The following DNM3 variants were observed in gnomAD, a reference collection of about 807,000 sequenced individuals.
DNM3 encodes the protein dynamin 3, also known as dynamin-3.
A neutral mutation model predicts 101.6 loss-of-function variants in DNM3; 47 were observed. That is an observed-to-expected ratio of 0.46 (90% CI 0.37 to 0.59). The LOEUF is 0.59. Among genes scored for constraint, DNM3 ranks in the 20% least tolerant of loss-of-function variants. The pLI is 0.00. For synonymous variants in DNM3, 385 were observed against 387.9 expected, an observed-to-expected ratio of 0.99 and a Z score of 0.09; for missense variants, 849 against 1,085.7, an observed-to-expected ratio of 0.78 and a Z score of 3.06.
chr1:172,007,778 T>C (rs1370677594), intron 4 of DNM3, among the ~76,000 whole-genome samples: 2 of 152,088 alleles, frequency 1.3e-5, no homozygotes, highest in East Asian at 3.9e-4. Flanking sequence ...GTTTAATTTA[T>C]TTATTTGAGA....
At chr1:172,086,433 G>A (rs2053536908) in intron 12 of DNM3, among the ~76,000 whole-genome samples, 1 of 152,174 alleles carries the variant, frequency 6.6e-6, no homozygotes, top group African/African-American at 2.4e-5. Flanking sequence ...TTACTCTGTA[G>A]CACCATTGCA....
chr1:172,139,244 A>G (rs528393021), intron 14 of DNM3: 2 of 207,010 alleles, frequency 9.7e-6, no homozygotes, highest in African/African-American at 4.8e-5. Flanking sequence ...ATTGAACCAG[A>G]TGTTTTTCCT....
chr1:172,066,297 T>C (rs1461373817), intron 10 of DNM3, among the ~76,000 whole-genome samples: 2 of 152,204 alleles, frequency 1.3e-5, no homozygotes, highest in African/African-American at 4.8e-5. Context: ...AAGGAATTTA[T>C]TTCTTTATAC....
chr1:172,410,672 T>A lies in DNM3; in HGVS notation c.*2831T>A. On this transcript the variant is annotated 3_prime_UTR_variant, in exon 21 of 21. Transcript: ENST00000627582. ...GAATATTGCTTTTAGCCGTGTTTTA[T>A]AACATAGACGAGCAGTAGGGTCTGT... is the stretch of plus-strand genomic sequence containing the variant. 1 of 985,362 alleles carries A rather than the reference T, an allele frequency of 1.0e-6. No individual in the cohort carries two copies. The highest frequency in any genetic ancestry group is 1.2e-6 in the Non-Finnish European group (1 of 829,846). 61.0% of individuals were successfully genotyped at this position (985,362 alleles called of 1,614,324 possible). A position where few individuals can be genotyped will look rare whatever the true frequency, so the allele number is the denominator to read the frequency against.
At chr1:171,909,771 T>C (rs2039142236) in intron 1 of DNM3, among the ~76,000 whole-genome samples, 1 of 152,220 alleles carries the variant, frequency 6.6e-6, no homozygotes, top group Admixed American at 6.5e-5. Context: ...TTACTTGAAA[T>C]TATAATTGGA....
At chr1:171,917,466 G>T (rs901397592) in intron 1 of DNM3, among the ~76,000 whole-genome samples, 2 of 152,006 alleles carry the variant, frequency 1.3e-5, no homozygotes, top group African/African-American at 4.8e-5. Context: ...CTATTTTTTT[G>T]TCTAGGAGTC....
chr1:172,369,671 A>G (rs2068218022), intron 17 of DNM3, among the ~76,000 whole-genome samples: 1 of 152,066 alleles, frequency 6.6e-6, no homozygotes, highest in East Asian at 1.9e-4. Flanking sequence ...GATGTGCTGT[A>G]AGTGTAACAT....
chr1:172,221,895 TAAAGAC>T (rs1343885855), intron 14 of DNM3, among the ~76,000 whole-genome samples: 1 of 152,132 alleles, frequency 6.6e-6, no homozygotes, highest in African/African-American at 2.4e-5. Context: ...GAAATTAAGA[TAAAGAC>T]AAAGACTTTG....
At chr1:171,923,908 C>T (rs1398167658) in intron 2 of DNM3, among the ~76,000 whole-genome samples, 1 of 152,138 alleles carries the variant, frequency 6.6e-6, no homozygotes, top group Non-Finnish European at 1.5e-5. Context: ...CTGTTTAGTT[C>T]ACACTTGTAA....
intron 17 of DNM3, among the ~76,000 whole-genome samples, chr1:172,343,099 C>G (rs2066764045): frequency 6.6e-6 from 1 of 152,140 alleles, no homozygotes; most frequent in African/African-American, 2.4e-5. Flanking sequence ...ATACATTAAC[C>G]TCTAAGACTA....
At chr1:172,206,748 C>T (rs1336901988) in intron 14 of DNM3, among the ~76,000 whole-genome samples, 1 of 152,080 alleles carries the variant, frequency 6.6e-6, no homozygotes, top group Non-Finnish European at 1.5e-5. Flanking sequence ...CTAAAAAGAT[C>T]TTGCTGACAC....
At chr1:172,250,340 ACTT>A (rs2062120375) in intron 14 of DNM3, among the ~76,000 whole-genome samples, 1 of 152,072 alleles carries the variant, frequency 6.6e-6, no homozygotes, top group Non-Finnish European at 1.5e-5. Context: ...TGAAACAGAA[ACTT>A]CTTATGGAGG....
At chr1:172,170,225 T>C (rs1328124793) in intron 14 of DNM3, among the ~76,000 whole-genome samples, 2 of 151,932 alleles carry the variant, frequency 1.3e-5, no homozygotes, top group Non-Finnish European at 2.9e-5. Flanking sequence ...TTTTAAGTCC[T>C]CTCAATATCA....
chr1:172,168,634 T>G (rs1407698314), intron 14 of DNM3, among the ~76,000 whole-genome samples: 2 of 151,988 alleles, frequency 1.3e-5, no homozygotes, highest in African/African-American at 4.8e-5. Context: ...GAAAGTATTC[T>G]CTTCCTGTTC....
intron 13 of DNM3, among the ~76,000 whole-genome samples, chr1:172,121,746 G>A (rs1006509972): frequency 6.6e-6 from 1 of 152,170 alleles, no homozygotes; most frequent in African/African-American, 2.4e-5. Context: ...TATTAGGTAG[G>A]GGTTGGGATT....
intron 15 of DNM3, among the ~76,000 whole-genome samples, chr1:172,279,752 A>G (rs929887363): frequency 1.3e-5 from 2 of 152,046 alleles, no homozygotes; most frequent in African/African-American, 4.8e-5. Context: ...TGCCTTGGAT[A>G]TATATTTAGA....
intron 16 of DNM3, among the ~76,000 whole-genome samples, chr1:172,317,037 T>G (rs2065408272): frequency 6.6e-6 from 1 of 152,078 alleles, no homozygotes; most frequent in Admixed American, 6.6e-5. Context: ...TAACAAACTG[T>G]CTCTCAGACC....
chr1:171,863,438 A>T (rs142760983), intron 1 of DNM3, among the ~76,000 whole-genome samples: 1 of 152,204 alleles, frequency 6.6e-6, no homozygotes, highest in African/African-American at 2.4e-5. Flanking sequence ...AAAAAAGTAT[A>T]CAAAGACTAT....
chr1:172,058,021 CA>C, intron 10 of DNM3, among the ~76,000 whole-genome samples: 1 of 132,036 alleles, frequency 7.6e-6, no homozygotes. Flanking sequence ...AAATGGAAAA[CA>C]AAAAAAGGCA....
Sources: allele counts gnomAD v4.1 joint callset (sites outside exome capture counted in the v4.1 genomes callset), GRCh38; gene constraint gnomAD v4.1.1; transcripts MANE v1.5; gene names NCBI Gene and HGNC (gene_info 2026-07-23, HGNC 2026-07-21).